Variants in ABCC11 observed in about 807,000 individuals in gnomAD.
ABCC11 encodes the protein ATP-binding cassette sub-family C member 11.
In ABCC11, 135 loss-of-function variants were observed where a neutral mutation model predicts 149.3. The ratio of observed to expected loss-of-function variants is 0.90; its 90% CI spans 0.79 to 1.04. ABCC11 has a LOEUF of 1.04. Among genes scored for constraint, ABCC11 ranks in the 50% least tolerant of loss-of-function variants. ABCC11 has a pLI of 0.00. For synonymous variants in ABCC11, 665 were observed against 671.4 expected (o/e 0.99, Z 0.15); for missense variants, 1,680 against 1,722.1 (o/e 0.98, Z 0.43).
intron 12 of ABCC11, among the ~76,000 whole-genome samples, chr16:48,206,509 C>T (rs1002931870): frequency 6.6e-6 from 1 of 152,180 alleles, no homozygotes; most frequent in Admixed American, 6.5e-5. Flanking sequence ...GACTTGGGAC[C>T]TCATCATTCT....
In ABCC11 at chr16:48,176,931, C is replaced by T. The variant is rs74869498; in HGVS notation, c.3531G>A (p.Thr1177=). The change falls in exon 25 of 30, where the codon ACG becomes ACA. Residue 1177 remains threonine (T), a synonymous_variant. Transcript: ENST00000356608. ...CCAGGAAGCTCAGCTCACCAGAGCC[C>T]GTCCTTCCCACGATGCCCACCACTT... ...GHEVVGIVGR[T]GSGKSSLGMA... 398 of 1,613,432 alleles carry T rather than the reference C, an allele frequency of 2.5e-4. 1 individual carries two copies. The East Asian group carries it at 8.6e-3, about 35-fold the overall frequency.
intron 17 of ABCC11, 114 bp from the exon 18 acceptor site, chr16:48,196,435 C>T: frequency 2.1e-6 from 2 of 941,188 alleles, no homozygotes; most frequent in Non-Finnish European, 3.3e-6. Context: ...CTTCAGTGCC[C>T]CACCTATGTC....
At chr16:48,226,610 C>T (rs1314210246) in intron 4 of ABCC11, among the ~76,000 whole-genome samples, 2 of 152,140 alleles carry the variant, frequency 1.3e-5, no homozygotes, top group Non-Finnish European at 2.9e-5. Flanking sequence ...ACACAGGGCC[C>T]AGAAAGGGAA....
intron 15 of ABCC11, among the ~76,000 whole-genome samples, chr16:48,198,678 C>T (rs1485858354): frequency 6.8e-6 from 1 of 146,232 alleles, no homozygotes; most frequent in African/African-American, 2.5e-5. Flanking sequence ...TAAGAAACAA[C>T]TGTTCATCTT....
chr16:48,178,426 C>T (rs2150739355), intron 24 of ABCC11, among the ~76,000 whole-genome samples, 171 bp downstream of exon 24: 1 of 152,280 alleles, frequency 6.6e-6, no homozygotes, highest in South Asian at 2.1e-4. Flanking sequence ...TATGGAAGAG[C>T]TTCAGCGAGA....
intron 23 of ABCC11, among the ~76,000 whole-genome samples, chr16:48,180,459 T>C (rs1966358784): frequency 6.6e-6 from 1 of 152,172 alleles, no homozygotes; most frequent in South Asian, 2.1e-4. Context: ...ATGAGCCAAC[T>C]GAGCATAGGC....
chr16:48,211,983 T>C (rs1968966550), intron 10 of ABCC11, among the ~76,000 whole-genome samples: 1 of 152,218 alleles, frequency 6.6e-6, no homozygotes, highest in African/African-American at 2.4e-5. Context: ...CTCTTACCCA[T>C]CCTTCTGAGC....
intron 11 of ABCC11, chr16:48,209,287 T>C (rs1292899993): frequency 6.6e-6 from 1 of 152,250 alleles, no homozygotes; most frequent in African/African-American, 2.4e-5. Flanking sequence ...CATTGGCTTA[T>C]GTTTTAGAAA....
chr16:48,219,520 C>A (rs1237151669), intron 6 of ABCC11, among the ~76,000 whole-genome samples: 1 of 152,096 alleles, frequency 6.6e-6, no homozygotes, highest in East Asian at 1.9e-4. Context: ...GCTAATGGTG[C>A]TAATCTCTGG....
chr16:48,228,469 G>A (rs112399074), intron 3 of ABCC11, among the ~76,000 whole-genome samples: 6 of 151,960 alleles, frequency 3.9e-5, no homozygotes, highest in Admixed American at 2.6e-4. Context: ...TGGTGTGCAC[G>A]CCTGTAATCC....
chr16:48,237,022 A>G (rs893730950), intron 1 of ABCC11, among the ~76,000 whole-genome samples: 2 of 152,220 alleles, frequency 1.3e-5, no homozygotes, highest in African/African-American at 4.8e-5. Flanking sequence ...AAAAATCCAA[A>G]AAAATTGCAA....
intron 6 of ABCC11, among the ~76,000 whole-genome samples, chr16:48,220,632 G>A (rs1346015542): frequency 6.6e-6 from 1 of 152,152 alleles, no homozygotes; most frequent in East Asian, 1.9e-4. Flanking sequence ...ACAATCCTAT[G>A]AGGTTGGTTC....
In ABCC11 at chr16:48,186,948, C is replaced by T; in HGVS notation, c.3071+5G>A. 2.5e-6 allele frequency: 4 copies of T among 1,614,048 alleles called. No homozygotes were observed. The highest frequency in any genetic ancestry group is 3.4e-6 in the Non-Finnish European group (4 of 1,179,976). On this transcript the variant is annotated splice_donor_5th_base_variant and intron_variant, in intron 22 of 29. Coordinates refer to ENST00000356608, the MANE Select transcript of ABCC11 (RefSeq NM_001370497.1). ...TCATTCTCAAATGGCAGCAGAAGGACTCACTGGCTGATGAAGTCTTCAGTT... is the reference window on the plus strand; with the variant it reads ...TCATTCTCAAATGGCAGCAGAAGGATTCACTGGCTGATGAAGTCTTCAGTT...
intron 1 of ABCC11, chr16:48,244,319 T>C: frequency 1.6e-6 from 2 of 1,215,008 alleles, no homozygotes; most frequent in Non-Finnish European, 2.2e-6. Flanking sequence ...GTTTGGTGAC[T>C]GCGGGGCAGG....
intron 14 of ABCC11, among the ~76,000 whole-genome samples, chr16:48,201,366 C>A (rs554745327): frequency 2.0e-5 from 3 of 152,264 alleles, no homozygotes; most frequent in African/African-American, 7.2e-5. Flanking sequence ...CTGCGACCTC[C>A]GCCTCTCAGT....
At chr16:48,231,676 A>AT in intron 2 of ABCC11, 147 bp downstream of exon 2, 9 of 800,220 alleles carry the variant, frequency 1.1e-5, no homozygotes, top group Non-Finnish European at 1.3e-5. Flanking sequence ...AAAAAAAAAA[A>AT]GAGAGAGAGA....
intron 6 of ABCC11, among the ~76,000 whole-genome samples, chr16:48,221,701 T>C (rs1420481178): frequency 6.6e-6 from 1 of 152,114 alleles, no homozygotes; most frequent in African/African-American, 2.4e-5. Flanking sequence ...GTCTAGAACA[T>C]AATCTGGCTC....
In ABCC11 at chr16:48,210,703, A is replaced by G. The variant is rs963245232; in HGVS notation, c.1608+245T>C. On this transcript the variant is annotated intron_variant, in intron 11 of 29. Coordinates refer to ENST00000356608, the MANE Select transcript of ABCC11 (RefSeq NM_001370497.1). Reference sequence around the variant, plus strand: ...CCTTAGTTCTTCCAAGGACAAGCACACAGTACTCTCATATTATTTTGGGTC... The same window carrying G: ...CCTTAGTTCTTCCAAGGACAAGCACGCAGTACTCTCATATTATTTTGGGTC... 9.4e-6 allele frequency: 5 copies of G among 534,078 alleles called. No individual in the cohort carries two copies. The African/African-American group carries it at 9.4e-5, about 10-fold the overall frequency. 33.1% of individuals were successfully genotyped at this position (534,078 alleles called of 1,614,324 possible). A position where few individuals can be genotyped will look rare whatever the true frequency, so the allele number is the denominator to read the frequency against.
chr16:48,232,895 A>G (rs1162904746), intron 1 of ABCC11, among the ~76,000 whole-genome samples: 1 of 152,220 alleles, frequency 6.6e-6, no homozygotes, highest in East Asian at 1.9e-4. Flanking sequence ...GTTCAGATAT[A>G]GCTTTTACCA....
Sources: gnomAD v4.1 joint callset for allele counts (sites outside exome capture counted in the v4.1 genomes callset) on GRCh38, gnomAD v4.1.1 for gene constraint, MANE v1.5 for transcripts, NCBI Gene and HGNC (gene_info 2026-07-23, HGNC 2026-07-21) for gene names.